The following CSMD1 variants were observed in gnomAD, a reference collection of about 807,000 sequenced individuals.
The protein encoded by CSMD1 is CUB and sushi domain-containing protein 1.
In CSMD1, 213 loss-of-function variants were observed where a neutral mutation model predicts 417.5. That is an observed-to-expected ratio of 0.51 (90% CI 0.46 to 0.57). The LOEUF is 0.57. Among genes scored for constraint, CSMD1 ranks in the 20% least tolerant of loss-of-function variants. The pLI, the probability that CSMD1 is intolerant of heterozygous loss-of-function variation, is 0.00. For missense variants in CSMD1, 6,923 were observed against 4,529.7 expected (o/e 1.53, Z -15.17); for synonymous variants, 2,862 against 1,736.8 (o/e 1.65, Z -16.11).
chr8:3,043,607 T>G (rs984271598), intron 50 of CSMD1: 4 of 152,144 alleles, frequency 2.6e-5, no homozygotes, highest in African/African-American at 9.7e-5. Context: ...CACTGACTAG[T>G]AGTAGTTTTA....
intron 1 of CSMD1, among the ~76,000 whole-genome samples, chr8:4,785,646 A>G (rs1232505369): frequency 6.6e-6 from 1 of 152,188 alleles, no homozygotes; most frequent in Non-Finnish European, 1.5e-5. Context: ...AGAGTCCCAG[A>G]CTTTGCTTTT....
In CSMD1 at chr8:3,214,626, A is replaced by G. The variant is rs1797788707; in HGVS notation, c.4738T>C (p.Phe1580Leu). 1 of 1,555,614 alleles carries G rather than the reference A, an allele frequency of 6.4e-7. No individual in the cohort carries two copies. The highest frequency in any genetic ancestry group is 1.4e-5 in the African/African-American group (1 of 73,262). ...TAGGTGATGGTGGAGCCAAGCTTGA[A>G]GTCTGTTCCAACTCTTGTCCCATTC... is the stretch of plus-strand genomic sequence containing the variant. ...IMNGTRVGTD[F>L]KLGSTITYQC... The change falls in exon 30 of 70, where the codon TTC (phenylalanine) becomes CTC (leucine). Residue 1580 changes from phenylalanine to leucine, a missense_variant. Physicochemically the swap from Phe to Leu is conservative, Grantham distance 22 (BLOSUM62 0). Coordinates refer to ENST00000635120, the MANE Select transcript of CSMD1 (RefSeq NM_033225.6).
rs201439978 is a variant in CSMD1 at position 3,140,725 on chromosome 8, TA to T, written c.6241+1739del. ...AGGGAAACAAGTGATTTAACTATAT[TA>T]AAAAAAAAAAAAGTTAGGCTCTAGA... On this transcript the variant is annotated intron_variant, in intron 41 of 69. Coordinates refer to ENST00000635120, the MANE Select transcript of CSMD1 (RefSeq NM_033225.6). Among the ~76,000 whole-genome samples, 594 of 145,572 alleles carry T rather than the reference TA, an allele frequency of 4.1e-3. 1 individual carries two copies. The highest frequency in any genetic ancestry group is 7.1e-3 in the Middle Eastern group (2 of 280).
chr8:4,243,459 G>A (rs762847230), intron 3 of CSMD1, among the ~76,000 whole-genome samples: 8 of 151,822 alleles, frequency 5.3e-5, no homozygotes, highest in Non-Finnish European at 7.4e-5. Flanking sequence ...TCCCAGATTC[G>A]GCTTCTAGCC....
chr8:4,717,344 T>C (rs1423458447), intron 1 of CSMD1, among the ~76,000 whole-genome samples: 1 of 141,248 alleles, frequency 7.1e-6, no homozygotes, highest in African/African-American at 2.8e-5. Flanking sequence ...CACACGTATA[T>C]ATACACACAC....
At chr8:3,156,783 T>C (rs1819562724) in intron 39 of CSMD1, among the ~76,000 whole-genome samples, 1 of 152,030 alleles carries the variant, frequency 6.6e-6, no homozygotes, top group Non-Finnish European at 1.5e-5. Flanking sequence ...AGTTGGAGTA[T>C]GGCTGAATAT....
In CSMD1 at chr8:3,694,170, C is replaced by G. The variant is rs563728244; in HGVS notation, c.1009+14244G>C. ...ACATGCTGGAGAGGGGCTCACAGAT[C>G]TCACCAACAAGGTGAATGTGTCCAT... On this transcript the variant is annotated intron_variant, in intron 7 of 69. Transcript: ENST00000635120. Among the ~76,000 whole-genome samples the G allele has an allele frequency of 1.3e-4, 19 of 151,986 alleles. No individual in the cohort carries two copies. In the East Asian group the frequency reaches 3.3e-3, roughly 26 times the overall value.
At position 2,957,890 on chromosome 8, in the gene CSMD1, G is replaced by A. The variant is rs985547000; in HGVS notation, c.9703-83C>T. On this transcript the variant is annotated intron_variant, in intron 62 of 69. Transcript: ENST00000635120. ...TAGTGATACCTGAAAGTACACGCCC[G>A]AGTAAAAGTACAGCAGCAACTTTTC... 17 of 925,354 alleles carry A rather than the reference G, an allele frequency of 1.8e-5. No homozygotes were observed. The Admixed American group carries it at 3.0e-4, about 16-fold the overall frequency. 57.3% of individuals were successfully genotyped at this position (925,354 alleles called of 1,614,324 possible).
chr8:4,435,708 T>A (rs979783520), intron 2 of CSMD1, among the ~76,000 whole-genome samples: 1 of 152,138 alleles, frequency 6.6e-6, no homozygotes, highest in Non-Finnish European at 1.5e-5. Flanking sequence ...TGCCTCTGTG[T>A]GGGGCTGTGG....
rs527242610 is a variant in CSMD1 at position 3,533,600 on chromosome 8, C to T, written c.1345-39874G>A. Among the ~76,000 whole-genome samples, 3 of 152,244 alleles carry T rather than the reference C, an allele frequency of 2.0e-5. No homozygotes were observed. The South Asian group carries it at 6.2e-4, about 32-fold the overall frequency. ...GTTGAATGAGAATCTCAGGGAAGCC[C>T]TTGCTTCCCTGAATCCACTCATCTG... On this transcript the variant is annotated intron_variant, in intron 10 of 69. Coordinates refer to ENST00000635120, the MANE Select transcript of CSMD1 (RefSeq NM_033225.6).
At chr8:4,189,381 A>C (rs34478648) in intron 3 of CSMD1, among the ~76,000 whole-genome samples, 130,301 of 151,774 alleles carry the variant, frequency 0.86, 56,061 homozygotes, top group South Asian at 0.9. Flanking sequence ...AGCCATGAAT[A>C]TTCTAACTCT....
At chr8:4,034,768 G>A (rs1367302698) in intron 3 of CSMD1, among the ~76,000 whole-genome samples, 4 of 152,110 alleles carry the variant, frequency 2.6e-5, no homozygotes, top group Non-Finnish European at 4.4e-5. Flanking sequence ...TGTCTTCTTA[G>A]GGTCATTATT....
intron 3 of CSMD1, among the ~76,000 whole-genome samples, chr8:4,141,886 AG>A (rs1803813047): frequency 2.0e-5 from 3 of 151,120 alleles, no homozygotes. Flanking sequence ...TCCTACAAGG[AG>A]GAAAGAAAAC....
At chr8:3,977,524 G>A (rs573987368) in intron 5 of CSMD1, among the ~76,000 whole-genome samples, 52 of 152,172 alleles carry the variant, frequency 3.4e-4, no homozygotes, top group Middle Eastern at 3.4e-3. Context: ...TGACAGTTTT[G>A]GATTCTGCTG....
At chr8:4,724,407 T>C (rs960319392) in intron 1 of CSMD1, among the ~76,000 whole-genome samples, 4 of 152,014 alleles carry the variant, frequency 2.6e-5, no homozygotes, top group Non-Finnish European at 4.4e-5. Flanking sequence ...TACCATAAAG[T>C]AAAATCAGAC....
chr8:4,429,523 T>C (rs562342243), intron 2 of CSMD1, among the ~76,000 whole-genome samples: 2 of 152,268 alleles, frequency 1.3e-5, no homozygotes, highest in East Asian at 3.9e-4. Flanking sequence ...GAATTCAAGT[T>C]GGATCAGAAA....
chr8:4,209,324 C>T (rs1800164152), intron 3 of CSMD1, among the ~76,000 whole-genome samples: 1 of 152,192 alleles, frequency 6.6e-6, no homozygotes, highest in Non-Finnish European at 1.5e-5. Flanking sequence ...GAGACATCTT[C>T]CCTCAAACTC....
intron 1 of CSMD1, among the ~76,000 whole-genome samples, chr8:4,742,804 G>A (rs978090187): frequency 2.6e-5 from 4 of 152,006 alleles, no homozygotes; most frequent in African/African-American, 4.8e-5. Context: ...TATATAAATC[G>A]CAGAAAATTT....
intron 1 of CSMD1, among the ~76,000 whole-genome samples, chr8:4,748,321 G>A (rs1340780652): frequency 6.6e-6 from 1 of 152,236 alleles, no homozygotes; most frequent in Non-Finnish European, 1.5e-5. Context: ...TGCACCATCT[G>A]AGTTGGAAAT....
Sources: allele counts gnomAD v4.1 joint callset (sites outside exome capture counted in the v4.1 genomes callset), GRCh38; gene constraint gnomAD v4.1.1; transcripts MANE v1.5; gene names NCBI Gene and HGNC (gene_info 2026-07-23, HGNC 2026-07-21).